Variants in WDR1 observed in about 807,000 individuals in gnomAD.
WDR1 encodes the protein WD repeat-containing protein 1.
Under a neutral mutation model 71.9 loss-of-function variants are expected in WDR1, and 21 were observed. That is an observed-to-expected ratio of 0.29 (90% CI 0.21 to 0.42). The LOEUF (loss-of-function observed/expected upper bound fraction) is 0.42, where lower values mean the gene tolerates loss of function less well. WDR1 is among the 10% of genes least tolerant of loss of function. WDR1 has a pLI of 1.00. For missense variants in WDR1, 696 were observed against 824.5 expected (o/e 0.84, Z 1.91); for synonymous variants, 424 against 347.4 (o/e 1.22, Z -2.45).
chr4:10,081,281 G>A (rs1560528933), intron 11 of WDR1, 76 bp downstream of exon 11: 8 of 1,429,694 alleles, frequency 5.6e-6, no homozygotes, highest in African/African-American at 1.4e-5. Context: ...ACTGTCAAAC[G>A]GGACATGAGT....
Position 10,097,692 on chromosome 4 carries a change from A to T in WDR1, c.558+19T>A. The T allele has an allele frequency of 1.2e-6, 2 of 1,600,512 alleles. No homozygotes were observed. The highest frequency in any genetic ancestry group is 1.7e-6 in the Non-Finnish European group (2 of 1,170,298). The stretch of plus-strand genomic sequence containing the variant: ...CATGTACAAACCACAAATTTCACCC[A>T]AAAAGTAAGTTCACTTACGCCAATT... On this transcript the variant is annotated intron_variant, in intron 5 of 14. Coordinates refer to ENST00000499869, the MANE Select transcript of WDR1 (RefSeq NM_017491.5).
At position 10,074,405 on chromosome 4, in the gene WDR1, G is replaced by A. The variant is rs1355795460; in HGVS notation, c.*973C>T. ...TAAAGCGCTCAAAGTGTTTTCACAA[G>A]TGCAAGGGGAGGGATTGTTCTCAGC... On this transcript the variant is annotated 3_prime_UTR_variant, in exon 15 of 15. Coordinates refer to ENST00000499869, the MANE Select transcript of WDR1 (RefSeq NM_017491.5). 1.3e-5 allele frequency: 2 copies of A among 152,576 alleles called. No individual in the cohort carries two copies. Among genetic ancestry groups the A allele is most frequent in the East Asian group, 3.8e-4 (2 of 5,200 alleles). 9.5% of individuals were successfully genotyped at this position (152,576 alleles called of 1,614,324 possible).
chr4:10,090,782 T>G (rs1424699877), intron 5 of WDR1, among the ~76,000 whole-genome samples: 1 of 152,134 alleles, frequency 6.6e-6, no homozygotes, highest in East Asian at 1.9e-4. Context: ...ACAAGGGGAG[T>G]CCCAGTGCTC....
At chr4:10,114,000 C>G (rs561853613) in intron 2 of WDR1, among the ~76,000 whole-genome samples, 4 of 152,300 alleles carry the variant, frequency 2.6e-5, no homozygotes, top group Admixed American at 2.0e-4. Flanking sequence ...GCATTCCAAA[C>G]AGACCATCAT....
At position 10,104,668 on chromosome 4, in the gene WDR1, C is replaced by A. The variant is rs115861646; in HGVS notation, c.139-682G>T. On this transcript the variant is annotated intron_variant, in intron 2 of 14. Transcript: ENST00000499869. Reference sequence around the variant, plus strand: ...AAAGTAGATCCCTGCGCCTCCCTCCCGGCATACACACACACGCAGGGCCTC... The same window carrying A: ...AAAGTAGATCCCTGCGCCTCCCTCCAGGCATACACACACACGCAGGGCCTC... 4.3e-3 allele frequency among the ~76,000 whole-genome samples: 649 copies of A among 152,298 alleles called. 2 individuals carry two copies. Among genetic ancestry groups the A allele is most frequent in the Non-Finnish European group, 7.2e-3 (492 of 68,012 alleles).
chr4:10,111,472 A>T (rs1409311529), intron 2 of WDR1, among the ~76,000 whole-genome samples: 5 of 152,164 alleles, frequency 3.3e-5, no homozygotes, highest in Non-Finnish European at 5.9e-5. Context: ...TGCACCTGGC[A>T]GGCGCTGCTG....
chr4:10,077,435 A>G lies in WDR1; in HGVS notation c.1583T>C (p.Phe528Ser). The G allele has an allele frequency of 6.2e-7, 1 of 1,613,946 alleles. No homozygotes were observed. ...VADGYSENNV[F>S]YGHHAKIVCL... ...GACGATTTTTGCATGGTGTCCATAA[A>G]AAACATTGTTCTCCTAGTTGCAGGT... The change falls in exon 14 of 15, where the codon TTT (phenylalanine) becomes TCT (serine). Residue 528 changes from phenylalanine (F) to serine (S), a missense_variant. Transcript: ENST00000499869.
intron 9 of WDR1, 31 bp downstream of exon 9, chr4:10,084,412 T>C: frequency 6.2e-7 from 1 of 1,603,550 alleles, no homozygotes; most frequent in Middle Eastern, 1.7e-4. Flanking sequence ...AGCCAGCGGC[T>C]CCGGAGCCAG....
intron 12 of WDR1, chr4:10,078,564 T>TC: frequency 4.2e-6 from 1 of 240,624 alleles, no homozygotes; most frequent in East Asian, 8.8e-5. Flanking sequence ...CCTCTTGCGC[T>TC]CCCCTCCTGC....
At position 10,077,321 on chromosome 4, in the gene WDR1, G is replaced by C; in HGVS notation, c.1697C>G (p.Thr566Ser). 6.2e-7 allele frequency: 1 copy of C among 1,614,024 alleles called. No individual in the cohort carries two copies. Among genetic ancestry groups the C allele is most frequent in the Non-Finnish European group, 8.5e-7 (1 of 1,179,880 alleles). The change falls in exon 14 of 15, where the codon ACC becomes AGC. Residue 566 changes from threonine (T) to serine (S), a missense_variant. Thr to Ser is a moderately conservative substitution (Grantham distance 58). Transcript: ENST00000499869. ...GAAGTCACCTTGGATCTTGACTCTG[G>C]TTTCCGGGTCACTCAGGGTCCAAAC... ...VYVWTLSDPETRVKIQDAHRL... is the reference protein window; with the variant it reads ...VYVWTLSDPESRVKIQDAHRL...
At chr4:10,105,055 T>C (rs922173786) in intron 2 of WDR1, among the ~76,000 whole-genome samples, 2 of 152,232 alleles carry the variant, frequency 1.3e-5, no homozygotes, top group African/African-American at 4.8e-5. Context: ...GCTCCACGTC[T>C]GTGTGTAGTC....
At chr4:10,090,753 G>A (rs1013028531) in intron 5 of WDR1, among the ~76,000 whole-genome samples, 1 of 152,216 alleles carries the variant, frequency 6.6e-6, no homozygotes, top group African/African-American at 2.4e-5. Flanking sequence ...GATGAAAGCC[G>A]GAGAAATCAC....
chr4:10,086,497 C>A (rs938320612), intron 8 of WDR1, among the ~76,000 whole-genome samples: 23 of 152,188 alleles, frequency 1.5e-4, no homozygotes, highest in African/African-American at 5.1e-4. Context: ...TCCTCGTGGG[C>A]AAACTCCCAT....
chr4:10,086,223 C>T (rs2109652590), intron 8 of WDR1, among the ~76,000 whole-genome samples: 1 of 152,332 alleles, frequency 6.6e-6, no homozygotes, highest in South Asian at 2.1e-4. Context: ...CTCAGCTCCC[C>T]CAGGCAACAA....
In WDR1 at chr4:10,095,686, C is replaced by A. The variant is rs116322065; in HGVS notation, c.558+2025G>T. Among the ~76,000 whole-genome samples the A allele has an allele frequency of 3.4e-3, 513 of 152,328 alleles. 4 individuals are homozygous for A. Among genetic ancestry groups the A allele is most frequent in the African/African-American group, 0.011 (461 of 41,586 alleles). ...CCTTCCTGTCCTTCCTATGCGTGGG[C>A]AGTTGAGTCCGCACATGTCTCCTGA... On this transcript the variant is annotated intron_variant, in intron 5 of 14. Transcript: ENST00000499869.
chr4:10,108,356 A>G (rs904154380), intron 2 of WDR1: 3 of 152,212 alleles, frequency 2.0e-5, no homozygotes, highest in African/African-American at 7.2e-5. Flanking sequence ...CTCCTGGCCC[A>G]CAGTGAACCT....
chr4:10,115,265 G>A (rs969429153), intron 2 of WDR1, among the ~76,000 whole-genome samples: 9 of 152,342 alleles, frequency 5.9e-5, no homozygotes, highest in African/African-American at 1.7e-4. Context: ...GTGTAACCCA[G>A]GAAGGGAGGG....
chr4:10,088,764 C>T lies in WDR1; in HGVS notation c.559-23G>A, dbSNP rs183061113. On this transcript the variant is annotated intron_variant, in intron 5 of 14. Transcript: ENST00000499869. ...GTCCTGCAGGAAAACAATTACCTGCCTGATGAGGGGCCGCAGGCCTGACTC... is the reference window on the plus strand; with the variant it reads ...GTCCTGCAGGAAAACAATTACCTGCTTGATGAGGGGCCGCAGGCCTGACTC... 16 of 1,561,778 alleles carry T rather than the reference C, an allele frequency of 1.0e-5. No homozygotes were observed. The East Asian group carries it at 2.6e-4, about 25-fold the overall frequency.
chr4:10,078,962 C>T lies in WDR1; in HGVS notation c.1324G>A (p.Asp442Asn), dbSNP rs574205889. 6.2e-6 allele frequency: 10 copies of T among 1,612,284 alleles called. No individual in the cohort carries two copies. The highest frequency in any genetic ancestry group is 1.7e-4 in the Middle Eastern group (1 of 6,050). Reference sequence around the variant, plus strand: ...ACTTCGGGCTCGTAGCCGGGGTTGTCGATGCTGAAGCACTTCCTCTGATCC... The same window carrying T: ...ACTTCGGGCTCGTAGCCGGGGTTGTTGATGCTGAAGCACTTCCTCTGATCC... ...LKDQRKCFSI[D>N]NPGYEPEVVA... Residue 442 changes from aspartate (D) to asparagine (N), a missense_variant, in exon 12 of 15, where the codon GAC (aspartate) becomes AAC (asparagine). Asp to Asn is a conservative substitution (Grantham distance 23). Coordinates refer to ENST00000499869, the MANE Select transcript of WDR1 (RefSeq NM_017491.5).
Sources: gnomAD v4.1 joint callset for allele counts (sites outside exome capture counted in the v4.1 genomes callset) on GRCh38, gnomAD v4.1.1 for gene constraint, MANE v1.5 for transcripts, NCBI Gene and HGNC (gene_info 2026-07-23, HGNC 2026-07-21) for gene names.